METTL14: variants seen among roughly 807,000 people sequenced by gnomAD.
METTL14 encodes the protein N(6)-adenosine-methyltransferase non-catalytic subunit METTL14.
In METTL14, 32 loss-of-function variants were observed where a neutral mutation model predicts 62.4. That is an observed-to-expected ratio of 0.51 (90% CI 0.39 to 0.69). METTL14 has a LOEUF of 0.69. Ranked by LOEUF, METTL14 falls within the 30% of genes least tolerant of loss-of-function variation. The pLI, the probability that METTL14 is intolerant of heterozygous loss-of-function variation, is 0.00. For synonymous variants in METTL14, 150 were observed against 180.0 expected (o/e 0.83, Z 1.34); for missense variants, 340 against 551.9 (o/e 0.62, Z 3.85).
In METTL14 at chr4:118,689,228, G is replaced by A. The variant is rs114776007; in HGVS notation, c.156-142G>A. On this transcript the variant is annotated intron_variant, in intron 2 of 10. Coordinates refer to ENST00000388822, the MANE Select transcript of METTL14 (RefSeq NM_020961.4). ...AATCAGGTTATTTGACTTTTTGGAT[G>A]ACTTATAAACTGCGTAGATAGATAT... 1.2e-3 allele frequency: 483 copies of A among 415,382 alleles called. 2 individuals are homozygous for A. Among genetic ancestry groups the A allele is most frequent in the African/African-American group, 8.8e-3 (426 of 48,678 alleles). The allele number at this position is 415,382 out of a possible 1,614,324, so 25.7% of individuals were successfully genotyped here.
At chr4:118,698,696 CAACT>C (rs1579071672) in intron 7 of METTL14, among the ~76,000 whole-genome samples, 1 of 152,020 alleles carries the variant, frequency 6.6e-6, no homozygotes, top group Non-Finnish European at 1.5e-5. Context: ...GAATTATCAC[CAACT>C]GAGAGTGAGT....
Position 118,707,427 on chromosome 4 carries a change from G to A in METTL14, c.1066+1606G>A, listed in dbSNP as rs189660942. ...GCCTGTAATCCCAGCACTTTGGGAG[G>A]CCAGGGTGGGCAGATCACTTGAGGT... On this transcript the variant is annotated intron_variant, in intron 10 of 10. Transcript: ENST00000388822. Among the ~76,000 whole-genome samples, 4 of 152,130 alleles carry A rather than the reference G, an allele frequency of 2.6e-5. No individual in the cohort carries two copies. The East Asian group carries it at 7.8e-4, about 30-fold the overall frequency.
At position 118,703,928 on chromosome 4, in the gene METTL14, T is replaced by C. The variant is rs1364343105; in HGVS notation, c.739-7T>C. ...AGGATTTGTGTTTAAAATTCTTTTG[T>C]TTCTAGTGTTTACGAAAATGGGGTT... On this transcript the variant is annotated splice_region_variant and splice_polypyrimidine_tract_variant and intron_variant, in intron 8 of 10. Transcript: ENST00000388822. 1.4e-6 allele frequency: 2 copies of C among 1,464,218 alleles called. No homozygotes were observed. Among genetic ancestry groups the C allele is most frequent in the East Asian group, 4.7e-5 (2 of 42,718 alleles). The allele number at this position is 1,464,218 out of a possible 1,614,324, so 90.7% of individuals were successfully genotyped here. A position where few individuals can be genotyped will look rare whatever the true frequency, so the allele number is the denominator to read the frequency against.
chr4:118,686,177 T>A (rs1351236165), intron 1 of METTL14, among the ~76,000 whole-genome samples: 3 of 152,202 alleles, frequency 2.0e-5, no homozygotes, highest in Non-Finnish European at 4.4e-5. Context: ...TTACCTTCAC[T>A]TATCAAGTAA....
At chr4:118,702,845 G>A (rs892641806) in intron 8 of METTL14, among the ~76,000 whole-genome samples, 7 of 150,374 alleles carry the variant, frequency 4.7e-5, no homozygotes, top group African/African-American at 1.7e-4. Flanking sequence ...TTCCTGAAAA[G>A]TGTATGTTTT....
chr4:118,696,214 T>C (rs1006581292), intron 6 of METTL14, among the ~76,000 whole-genome samples: 4 of 150,586 alleles, frequency 2.7e-5, no homozygotes, highest in African/African-American at 9.8e-5. Context: ...CTAAGTATAC[T>C]CTAATATTCA....
At chr4:118,704,694 C>T (rs937620372) in intron 9 of METTL14, among the ~76,000 whole-genome samples, 1 of 152,016 alleles carries the variant, frequency 6.6e-6, no homozygotes, top group Admixed American at 6.5e-5. Flanking sequence ...TGCCCCATGC[C>T]CCATGCCGCA....
At chr4:118,705,168 T>G (rs2110409229) in intron 9 of METTL14, among the ~76,000 whole-genome samples, 1 of 152,302 alleles carries the variant, frequency 6.6e-6, no homozygotes, top group Middle Eastern at 3.4e-3. Flanking sequence ...TTTCCTGTTG[T>G]TTTGTTGCCC....
chr4:118,706,113 AG>A (rs1724750091), intron 10 of METTL14, among the ~76,000 whole-genome samples: 1 of 152,310 alleles, frequency 6.6e-6, no homozygotes, highest in African/African-American at 2.4e-5. Flanking sequence ...AATCACTCAA[AG>A]TCCACAGTTT....
intron 4 of METTL14, 99 bp from the exon 5 acceptor site, chr4:118,691,882 G>T (rs1724257583): frequency 1.3e-6 from 1 of 762,886 alleles, no homozygotes; most frequent in East Asian, 2.7e-5. Context: ...TCTATCAATT[G>T]ATTGCATTTT....
At chr4:118,694,609 T>A in intron 6 of METTL14, 83 bp downstream of exon 6, 1 of 1,004,832 alleles carries the variant, frequency 1.0e-6, no homozygotes, top group Admixed American at 2.2e-5. Flanking sequence ...TTTTTTCTTC[T>A]TCCTAAATTC....
At chr4:118,706,311 C>T (rs1448797271) in intron 10 of METTL14, among the ~76,000 whole-genome samples, 1 of 152,202 alleles carries the variant, frequency 6.6e-6, no homozygotes, top group Non-Finnish European at 1.5e-5. Flanking sequence ...CGTAATTTGC[C>T]TTTGTCAGAA....
rs771858910 is a variant in METTL14 at position 118,709,978 on chromosome 4, C to CT, written c.1067-13dup. ...GAGAATTGCAAATAAAAAGTATAAT[C>CT]TTTTTTTCCTCCATTTCAGGCTGGC... On this transcript the variant is annotated intron_variant, in intron 10 of 10. Coordinates refer to ENST00000388822, the MANE Select transcript of METTL14 (RefSeq NM_020961.4). 6.4e-7 allele frequency: 1 copy of CT among 1,566,356 alleles called. No individual in the cohort carries two copies. Among genetic ancestry groups the CT allele is most frequent in the Non-Finnish European group, 8.6e-7 (1 of 1,160,172 alleles).
At chr4:118,686,704 A>G (rs1724073794) in intron 1 of METTL14, 1 of 452,668 alleles carries the variant, frequency 2.2e-6, no homozygotes, top group Non-Finnish European at 4.4e-6. Context: ...AAAAATGTTA[A>G]GTAGCTCTTT....
chr4:118,710,492 A>C lies in METTL14; in HGVS notation c.*190A>C. On this transcript the variant is annotated 3_prime_UTR_variant, in exon 11 of 11. Transcript: ENST00000388822. ...CACTGTCTGGTTTTTTTCAGGATAA[A>C]TGAATGATTCTGCCTTTTGTTATGT... 1.7e-6 allele frequency: 1 copy of C among 579,204 alleles called. No individual in the cohort carries two copies. Among genetic ancestry groups the C allele is most frequent in the Non-Finnish European group, 3.0e-6 (1 of 334,096 alleles). The allele number at this position is 579,204 out of a possible 1,614,324, so 35.9% of individuals were successfully genotyped here.
At chr4:118,691,889 T>TG in intron 4 of METTL14, 92 bp from the exon 5 acceptor site, 1 of 818,440 alleles carries the variant, frequency 1.2e-6, no homozygotes, top group Non-Finnish European at 2.0e-6. Flanking sequence ...ATTGATTGCA[T>TG]TTTATATCAC....
intron 3 of METTL14, among the ~76,000 whole-genome samples, chr4:118,691,146 G>A (rs1000535510): frequency 5.3e-5 from 8 of 151,984 alleles, no homozygotes; most frequent in African/African-American, 1.7e-4. Context: ...ATTATTTTAG[G>A]TGGAACTATA....
chr4:118,688,251 A>G (rs1724136837), intron 2 of METTL14, among the ~76,000 whole-genome samples: 1 of 152,158 alleles, frequency 6.6e-6, no homozygotes, highest in South Asian at 2.1e-4. Context: ...AGTCTGGCCA[A>G]CATGGTGAAA....
Position 118,711,589 on chromosome 4 carries a change from T to C in METTL14, c.*1287T>C, listed in dbSNP as rs2110413302. 1 of 152,312 alleles carries C rather than the reference T, an allele frequency of 6.6e-6. No individual in the cohort carries two copies. The highest frequency in any genetic ancestry group is 6.5e-5 in the Admixed American group (1 of 15,300). The allele number at this position is 152,312 out of a possible 1,614,324, so 9.4% of individuals were successfully genotyped here. On this transcript the variant is annotated 3_prime_UTR_variant, in exon 11 of 11. Transcript: ENST00000388822. ...CTCATATATACCTAAGATGAGATTA[T>C]ATTACATCCACCAAAGACTCAGTTT...
Sources: gnomAD v4.1 joint callset for allele counts (sites outside exome capture counted in the v4.1 genomes callset) on GRCh38, gnomAD v4.1.1 for gene constraint, MANE v1.5 for transcripts, NCBI Gene and HGNC (gene_info 2026-07-23, HGNC 2026-07-21) for gene names.